CHST9: variants seen among roughly 807,000 people sequenced by gnomAD.
CHST9 encodes the protein carbohydrate sulfotransferase 9.
A neutral mutation model predicts 44.4 loss-of-function variants in CHST9; 41 were observed. The ratio of observed to expected loss-of-function variants is 0.92; its 90% CI spans 0.72 to 1.20. The LOEUF (loss-of-function observed/expected upper bound fraction) is 1.20, where lower values mean the gene tolerates loss of function less well. Ranked by LOEUF, CHST9 falls within the 50% of genes most tolerant of loss-of-function variation. The pLI, the probability that CHST9 is intolerant of heterozygous loss-of-function variation, is 0.00. For missense variants in CHST9, 504 were observed against 516.5 expected (o/e 0.98, Z 0.23); for synonymous variants, 171 against 178.4 (o/e 0.96, Z 0.33).
chr18:27,058,350 T>C (rs1485625016), intron 2 of CHST9, among the ~76,000 whole-genome samples: 1 of 152,154 alleles, frequency 6.6e-6, no homozygotes, highest in Non-Finnish European at 1.5e-5. Flanking sequence ...ATGACAAATC[T>C]TTTCATAATG....
chr18:26,927,327 C>T (rs1384156274), intron 5 of CHST9, among the ~76,000 whole-genome samples: 3 of 151,326 alleles, frequency 2.0e-5, no homozygotes, highest in Admixed American at 6.6e-5. Flanking sequence ...CGTCGGGGGG[C>T]GGGGGTACGA....
At chr18:27,050,495 CT>C (rs1223279580) in intron 2 of CHST9, among the ~76,000 whole-genome samples, 3 of 152,146 alleles carry the variant, frequency 2.0e-5, no homozygotes, top group Non-Finnish European at 4.4e-5. Flanking sequence ...TTTATCCAAG[CT>C]TTTCTAACAG....
At chr18:27,137,302 A>ATGTG (rs1406932181) in intron 2 of CHST9, among the ~76,000 whole-genome samples, 1 of 29,596 alleles carries the variant, frequency 3.4e-5, no homozygotes, top group African/African-American at 1.6e-4. Context: ...ATTTATTTAT[A>ATGTG]TATGTGTGTG....
chr18:26,931,521 G>A (rs2055877236), intron 5 of CHST9, among the ~76,000 whole-genome samples: 2 of 152,224 alleles, frequency 1.3e-5, no homozygotes, highest in African/African-American at 4.8e-5. Flanking sequence ...TCACAGACCT[G>A]TGGGAAGACC....
intron 2 of CHST9, among the ~76,000 whole-genome samples, chr18:27,053,150 A>AAGT (rs2057593109): frequency 7.0e-6 from 1 of 142,186 alleles, no homozygotes; most frequent in South Asian, 2.3e-4. Context: ...GAAGAAGAAG[A>AAGT]AGAAGAAGAA....
chr18:27,045,000 CTACA>C (rs2057483163), intron 3 of CHST9, among the ~76,000 whole-genome samples: 4 of 147,290 alleles, frequency 2.7e-5, no homozygotes, highest in African/African-American at 1.0e-4. Flanking sequence ...AGCAGATGTT[CTACA>C]TTTGCTAAAT....
intron 1 of CHST9, among the ~76,000 whole-genome samples, chr18:27,167,766 T>C (rs1199839297): frequency 6.6e-6 from 1 of 152,118 alleles, no homozygotes; most frequent in East Asian, 1.9e-4. Context: ...GGAAGTATCT[T>C]TAAGAAGGTG....
chr18:26,996,977 G>A (rs2145219213), intron 4 of CHST9, among the ~76,000 whole-genome samples: 1 of 152,260 alleles, frequency 6.6e-6, no homozygotes, highest in Non-Finnish European at 1.5e-5. Flanking sequence ...AAAATATGCA[G>A]TATTTTTTGT....
chr18:27,154,866 T>G (rs1285368144), intron 1 of CHST9, among the ~76,000 whole-genome samples: 1 of 151,908 alleles, frequency 6.6e-6, no homozygotes, highest in Non-Finnish European at 1.5e-5. Flanking sequence ...GTGGATCACT[T>G]CAGATCAGGA....
intron 5 of CHST9, among the ~76,000 whole-genome samples, chr18:26,920,340 T>C (rs760947690): frequency 6.6e-6 from 1 of 152,212 alleles, no homozygotes; most frequent in African/African-American, 2.4e-5. Flanking sequence ...ATTCTTCAGC[T>C]CTCAGTTGGA....
At chr18:26,997,204 T>C (rs890110714) in intron 4 of CHST9, among the ~76,000 whole-genome samples, 2 of 152,326 alleles carry the variant, frequency 1.3e-5, no homozygotes, top group East Asian at 1.9e-4. Context: ...TCAATAAATG[T>C]TGGTGATCAT....
chr18:27,093,271 C>G (rs1267696073), intron 2 of CHST9, among the ~76,000 whole-genome samples: 1 of 152,214 alleles, frequency 6.6e-6, no homozygotes, highest in Non-Finnish European at 1.5e-5. Context: ...AACCACTGCC[C>G]TCTTCAGAGC....
At chr18:27,036,724 T>C (rs1335747289) in intron 3 of CHST9, among the ~76,000 whole-genome samples, 2 of 152,218 alleles carry the variant, frequency 1.3e-5, no homozygotes, top group East Asian at 1.9e-4. Flanking sequence ...AGTGTGCTTA[T>C]ACCTGCAATG....
chr18:27,046,281 A>T (rs1598667945), intron 3 of CHST9, among the ~76,000 whole-genome samples: 1 of 152,170 alleles, frequency 6.6e-6, no homozygotes, highest in East Asian at 1.9e-4. Flanking sequence ...GACTCTTTAA[A>T]CAAAGAATTA....
chr18:27,142,706 A>G lies in CHST9; in HGVS notation c.104T>C (p.Ile35Thr). ...LLLFMYLQVW[I>T]EEQHTGRVEK... ...TGTGTTACCTGTATGTTGTTCTTCA[A>G]TCCAGACTTGCAAATACATGAAGAG... Residue 35 changes from isoleucine to threonine, a missense_variant, in exon 2 of 6, where the codon ATT (isoleucine) becomes ACT (threonine). Ile to Thr is a moderately conservative substitution (Grantham distance 89). Transcript: ENST00000618847. 6.2e-7 allele frequency: 1 copy of G among 1,608,974 alleles called. No individual in the cohort carries two copies. The highest frequency in any genetic ancestry group is 8.5e-7 in the Non-Finnish European group (1 of 1,177,878).
chr18:27,109,061 T>C lies in CHST9; in HGVS notation c.121+33628A>G, dbSNP rs181752219. On this transcript the variant is annotated intron_variant, in intron 2 of 5. Transcript: ENST00000618847. ...AACTCTCAAGGCAGTAAGGGATAAT[T>C]GTATGCTGAGGAGGTCAGAAGTCTT... Among the ~76,000 whole-genome samples, 42 of 152,294 alleles carry C rather than the reference T, an allele frequency of 2.8e-4. 1 individual carries two copies. In the East Asian group the frequency reaches 6.8e-3, roughly 24 times the overall value.
At chr18:27,043,408 C>T (rs147688890) in intron 3 of CHST9, among the ~76,000 whole-genome samples, 10 of 152,038 alleles carry the variant, frequency 6.6e-5, no homozygotes, top group East Asian at 1.9e-4. Flanking sequence ...AACATAGATA[C>T]GACTTAATTT....
chr18:27,137,276 T>C (rs186299683), intron 2 of CHST9, among the ~76,000 whole-genome samples: 1 of 151,144 alleles, frequency 6.6e-6, no homozygotes, highest in East Asian at 1.9e-4. Context: ...CATAATTATA[T>C]AATCTGTATA....
At chr18:27,053,236 A>AGAAGAAGAAGAAGAG (rs1568151073) in intron 2 of CHST9, among the ~76,000 whole-genome samples, 1 of 80,734 alleles carries the variant, frequency 1.2e-5, no homozygotes, top group East Asian at 3.8e-4. Context: ...AAGAAGAAGA[A>AGAAGAAGAAGAAGAG]GAAGAAGAAG....
Sources: gnomAD v4.1 joint callset for allele counts (sites outside exome capture counted in the v4.1 genomes callset) on GRCh38, gnomAD v4.1.1 for gene constraint, MANE v1.5 for transcripts, NCBI Gene and HGNC (gene_info 2026-07-23, HGNC 2026-07-21) for gene names.